COL25A1: variants seen among roughly 807,000 people sequenced by gnomAD.
COL25A1 encodes the protein collagen alpha-1(XXV) chain.
Under a neutral mutation model 128.4 loss-of-function variants are expected in COL25A1, and 103 were observed. That is an observed-to-expected ratio of 0.80 (90% CI 0.68 to 0.94). The LOEUF (loss-of-function observed/expected upper bound fraction) is 0.94. COL25A1 is among the 40% of genes least tolerant of loss of function. The pLI is 0.00. For synonymous variants in COL25A1, 279 were observed against 277.2 expected (o/e 1.01, Z -0.06); for missense variants, 745 against 840.0 (o/e 0.89, Z 1.40).
intron 33 of COL25A1, among the ~76,000 whole-genome samples, chr4:108,826,623 C>T (rs536575461): frequency 4.6e-4 from 70 of 152,230 alleles, no homozygotes; most frequent in Middle Eastern, 3.4e-3. Flanking sequence ...TTTGTCATCA[C>T]GGTAATTTAG....
At chr4:109,200,144 C>G (rs1394643848) in intron 3 of COL25A1, among the ~76,000 whole-genome samples, 3 of 152,182 alleles carry the variant, frequency 2.0e-5, no homozygotes, top group Non-Finnish European at 4.4e-5. Flanking sequence ...TAACTTCCTT[C>G]CATTATTCAC....
chr4:109,219,695 T>A (rs1472394167), intron 3 of COL25A1, among the ~76,000 whole-genome samples: 2 of 152,190 alleles, frequency 1.3e-5, no homozygotes, highest in Non-Finnish European at 2.9e-5. Context: ...ACAAGCAGCC[T>A]CCTATGACTT....
In COL25A1 at chr4:109,123,149, G is replaced by A. The variant is rs560611336; in HGVS notation, c.368-72970C>T. Among the ~76,000 whole-genome samples the A allele has an allele frequency of 3.1e-3, 471 of 152,032 alleles. 1 individual carries two copies. Among genetic ancestry groups the A allele is most frequent in the Middle Eastern group, 6.8e-3 (2 of 294 alleles). On this transcript the variant is annotated intron_variant, in intron 3 of 37. Coordinates refer to ENST00000399132, the MANE Select transcript of COL25A1 (RefSeq NM_198721.4). ...ATCTATTTGATACCTTTCAAGTGTAGGGCAGAATATTCACATAAATAGCTG... is the reference window on the plus strand; with the variant it reads ...ATCTATTTGATACCTTTCAAGTGTAAGGCAGAATATTCACATAAATAGCTG...
At chr4:109,091,954 G>T (rs766870858) in intron 3 of COL25A1, among the ~76,000 whole-genome samples, 2 of 152,094 alleles carry the variant, frequency 1.3e-5, no homozygotes, top group South Asian at 2.1e-4. Context: ...GCCGAGAGAC[G>T]CAGACTCTTA....
At chr4:108,970,216 A>G (rs539822076) in intron 8 of COL25A1, among the ~76,000 whole-genome samples, 1 of 152,284 alleles carries the variant, frequency 6.6e-6, no homozygotes, top group South Asian at 2.1e-4. Context: ...AAATATTTTT[A>G]TAAAGAACAT....
At chr4:109,164,135 G>T (rs2126122314) in intron 3 of COL25A1, among the ~76,000 whole-genome samples, 1 of 152,158 alleles carries the variant, frequency 6.6e-6, no homozygotes, top group African/African-American at 2.4e-5. Context: ...TGGAATGCAG[G>T]CAGAAGTGGG....
chr4:109,005,871 C>T (rs1219108067), intron 6 of COL25A1, among the ~76,000 whole-genome samples: 5 of 152,134 alleles, frequency 3.3e-5, no homozygotes, highest in South Asian at 2.1e-4. Flanking sequence ...GCTAGGGAGA[C>T]CCAGAGCTGG....
intron 3 of COL25A1, among the ~76,000 whole-genome samples, chr4:109,064,593 T>C (rs993963988): frequency 6.6e-5 from 10 of 152,224 alleles, no homozygotes; most frequent in African/African-American, 2.4e-4. Flanking sequence ...CAGTTGAATA[T>C]TGATTTGAAT....
Position 108,937,705 on chromosome 4 carries a change from T to TA in COL25A1, c.708+102dup, listed in dbSNP as rs548279882. 1.1e-3 allele frequency: 1,051 copies of TA among 976,050 alleles called. 19 individuals are homozygous for TA. The South Asian group carries it at 0.018, about 17-fold the overall frequency. The allele number at this position is 976,050 out of a possible 1,614,324, so 60.5% of individuals were successfully genotyped here. A position where few individuals can be genotyped will look rare whatever the true frequency, so the allele number is the denominator to read the frequency against. ...TAACTTTTACTAATTTTCACTTTTT[T>TA]ATTATAGTCTGTCATATGACAGATA... On this transcript the variant is annotated intron_variant, in intron 11 of 37. Transcript: ENST00000399132.
At chr4:109,301,630 T>C (rs1045054855) in intron 2 of COL25A1, 93 bp downstream of exon 2, 1 of 1,427,844 alleles carries the variant, frequency 7.0e-7, no homozygotes, top group Non-Finnish European at 9.6e-7. Context: ...CCACACCAAG[T>C]ATGGGTACAG....
intron 3 of COL25A1, among the ~76,000 whole-genome samples, chr4:109,244,335 T>C (rs1780114553): frequency 6.6e-6 from 1 of 152,074 alleles, no homozygotes; most frequent in Non-Finnish European, 1.5e-5. Flanking sequence ...AGGATGATAA[T>C]ATCCTTAAAT....
At chr4:108,961,514 G>A (rs1750671227) in intron 8 of COL25A1, among the ~76,000 whole-genome samples, 1 of 151,508 alleles carries the variant, frequency 6.6e-6, no homozygotes, top group Non-Finnish European at 1.5e-5. Flanking sequence ...GTTTTCAGTC[G>A]CATATGATGA....
chr4:109,214,052 C>T (rs1011289083), intron 3 of COL25A1, among the ~76,000 whole-genome samples: 3 of 152,036 alleles, frequency 2.0e-5, no homozygotes, highest in African/African-American at 7.2e-5. Context: ...AGCCGTTTGC[C>T]TGATTTCTCC....
intron 3 of COL25A1, among the ~76,000 whole-genome samples, chr4:109,142,854 C>G (rs1305783148): frequency 1.3e-5 from 2 of 152,048 alleles, no homozygotes; most frequent in Non-Finnish European, 2.9e-5. Context: ...GGTCTTGACT[C>G]TTTATCCAAT....
chr4:108,855,352 T>A (rs1736365741), intron 24 of COL25A1, among the ~76,000 whole-genome samples: 2 of 144,894 alleles, frequency 1.4e-5, no homozygotes, highest in Non-Finnish European at 3.0e-5. Flanking sequence ...AGAACAAGAA[T>A]TGGATTTGTA....
At chr4:109,101,442 A>T (rs1292443486) in intron 3 of COL25A1, among the ~76,000 whole-genome samples, 1 of 152,224 alleles carries the variant, frequency 6.6e-6, no homozygotes, top group Non-Finnish European at 1.5e-5. Flanking sequence ...CTTGTGGAAG[A>T]TAAAGTTGCA....
intron 3 of COL25A1, among the ~76,000 whole-genome samples, chr4:109,116,317 G>T (rs1325128086): frequency 1.3e-5 from 2 of 152,046 alleles, no homozygotes; most frequent in East Asian, 1.9e-4. Context: ...TGTCAACAAG[G>T]CCTCCATCAG....
chr4:109,198,888 G>C (rs1470688664), intron 3 of COL25A1, among the ~76,000 whole-genome samples: 3 of 152,136 alleles, frequency 2.0e-5, no homozygotes, highest in Non-Finnish European at 4.4e-5. Context: ...ATACAGTACA[G>C]CTCTTCCTCT....
At chr4:108,898,924 C>T in intron 15 of COL25A1, among the ~76,000 whole-genome samples, 1 of 152,048 alleles carries the variant, frequency 6.6e-6, no homozygotes, top group Non-Finnish European at 1.5e-5. Flanking sequence ...ATAAGAATCA[C>T]ACTATTTCCT....
Sources: gnomAD v4.1 joint callset for allele counts (sites outside exome capture counted in the v4.1 genomes callset) on GRCh38, gnomAD v4.1.1 for gene constraint, MANE v1.5 for transcripts, NCBI Gene and HGNC (gene_info 2026-07-23, HGNC 2026-07-21) for gene names.